Variants in NCKAP1 observed in about 807,000 individuals in gnomAD.
NCKAP1 encodes nck-associated protein 1.
Under a neutral mutation model 151.2 loss-of-function variants are expected in NCKAP1, and 21 were observed. That is an observed-to-expected ratio of 0.14 (90% confidence interval 0.10 to 0.20). The LOEUF is 0.20. NCKAP1 is among the 10% of genes least tolerant of loss of function. The pLI is 1.00. For missense variants in NCKAP1, 933 were observed against 1,352.1 expected (o/e 0.69, Z 4.86); for synonymous variants, 484 against 451.8 (o/e 1.07, Z -0.90).
Position 182,925,813 on chromosome 2 carries a change from T to A in NCKAP1, c.3276A>T (p.Val1092=). 1 of 1,524,978 alleles carries A rather than the reference T, an allele frequency of 6.6e-7. No individual in the cohort carries two copies. The highest frequency in any genetic ancestry group is 8.8e-7 in the Non-Finnish European group (1 of 1,134,362). The allele number at this position is 1,524,978 out of a possible 1,614,324, so 94.5% of individuals were successfully genotyped here. A position where few individuals can be genotyped will look rare whatever the true frequency, so the allele number is the denominator to read the frequency against. ...CCATTGTAAGGAATGGAGATTCTTGTACAATCTGTAAAATTCAAAAAATCC... is the reference window on the plus strand; with the variant it reads ...CCATTGTAAGGAATGGAGATTCTTGAACAATCTGTAAAATTCAAAAAATCC... ...ESVYLLLDMI[V]QESPFLTMDL... Residue 1092 remains valine (V), a synonymous_variant, in exon 31 of 31, where the codon GTA becomes GTT. Transcript: ENST00000361354.
chr2:182,930,921 A>C (rs1696750559), intron 26 of NCKAP1, 133 bp from the exon 27 acceptor site: 1 of 679,198 alleles, frequency 1.5e-6, no homozygotes, highest in Non-Finnish European at 2.6e-6. Context: ...AACTACAGCA[A>C]AACTAAGTAT....
At chr2:182,981,672 G>C (rs1190856064) in intron 12 of NCKAP1, among the ~76,000 whole-genome samples, 1 of 151,976 alleles carries the variant, frequency 6.6e-6, no homozygotes, top group East Asian at 1.9e-4. Context: ...ACTTTGGGAG[G>C]CCAAAGCGGG....
chr2:182,972,534 A>C (rs1697721647), intron 15 of NCKAP1, among the ~76,000 whole-genome samples: 1 of 152,204 alleles, frequency 6.6e-6, no homozygotes, highest in Admixed American at 6.5e-5. Flanking sequence ...CAAAAATTTG[A>C]AAATAGATCC....
rs2105785898 is a variant in NCKAP1 at position 182,913,441 on chromosome 2, A to T, written c.*12261T>A. 1 of 152,418 alleles carries T rather than the reference A, an allele frequency of 6.6e-6. No individual in the cohort carries two copies. The highest frequency in any genetic ancestry group is 3.4e-3 in the Middle Eastern group (1 of 294). 9.4% of individuals were successfully genotyped at this position (152,418 alleles called of 1,614,324 possible). A position where few individuals can be genotyped will look rare whatever the true frequency, so the allele number is the denominator to read the frequency against. On this transcript the variant is annotated 3_prime_UTR_variant, in exon 31 of 31. Coordinates refer to ENST00000361354, the MANE Select transcript of NCKAP1 (RefSeq NM_013436.5). ...ATCAAGGGAGTGGGTTAGTTACCACAAAAGTGAGTCTGTTATAAAAGTCAG... is the reference window on the plus strand; with the variant it reads ...ATCAAGGGAGTGGGTTAGTTACCACTAAAGTGAGTCTGTTATAAAAGTCAG...
At chr2:182,972,279 A>C (rs992306443) in intron 15 of NCKAP1, among the ~76,000 whole-genome samples, 1 of 152,040 alleles carries the variant, frequency 6.6e-6, no homozygotes, top group African/African-American at 2.4e-5. Flanking sequence ...AAAAGAGCTA[A>C]ACAGACATTT....
intron 9 of NCKAP1, among the ~76,000 whole-genome samples, chr2:182,987,738 CATA>C (rs965014012): frequency 2.2e-4 from 34 of 152,132 alleles, no homozygotes; most frequent in Admixed American, 2.6e-4. Context: ...CCATCTTGCA[CATA>C]ATATTTCAGG....
intron 1 of NCKAP1, among the ~76,000 whole-genome samples, chr2:183,030,348 C>A (rs748146089): frequency 6.6e-5 from 10 of 152,084 alleles, no homozygotes; most frequent in Non-Finnish European, 1.2e-4. Context: ...TTTTTAATTT[C>A]TATTCTAACT....
In NCKAP1 at chr2:183,038,107, C is replaced by A; in HGVS notation, c.-8G>T. On this transcript the variant is annotated 5_prime_UTR_variant, in exon 1 of 31. Transcript: ENST00000361354. ...CAGCACTGAGCGCGACATGGTGGTG[C>A]TGGTGCCGCCGCCGCCGCCGGCCGC... 1.3e-6 allele frequency: 2 copies of A among 1,547,302 alleles called. No individual in the cohort carries two copies. The highest frequency in any genetic ancestry group is 1.7e-6 in the Non-Finnish European group (2 of 1,157,136).
intron 2 of NCKAP1, among the ~76,000 whole-genome samples, chr2:183,016,885 T>C (rs72888464): frequency 0.025 from 3,801 of 152,138 alleles, 76 homozygotes; most frequent in Non-Finnish European, 0.04. Flanking sequence ...CGGCAGGAAA[T>C]GTAGACCTGA....
intron 2 of NCKAP1, among the ~76,000 whole-genome samples, chr2:183,023,350 T>C (rs951817771): frequency 5.9e-5 from 9 of 152,102 alleles, no homozygotes; most frequent in Non-Finnish European, 1.0e-4. Context: ...TACTATTTAA[T>C]CTTTAGAAAT....
chr2:182,991,618 A>T (rs1051379243), intron 8 of NCKAP1, among the ~76,000 whole-genome samples: 14 of 152,094 alleles, frequency 9.2e-5, no homozygotes, highest in African/African-American at 3.1e-4. Flanking sequence ...TTATTAATTA[A>T]ACTACACATC....
At chr2:183,026,595 T>G (rs1047944406) in intron 1 of NCKAP1, among the ~76,000 whole-genome samples, 7 of 152,124 alleles carry the variant, frequency 4.6e-5, no homozygotes, top group Admixed American at 1.3e-4. Context: ...TCTAACATAC[T>G]TAATTGGGAG....
chr2:182,938,191 T>C (rs978219655), intron 24 of NCKAP1, among the ~76,000 whole-genome samples: 5 of 152,120 alleles, frequency 3.3e-5, no homozygotes, highest in Admixed American at 2.6e-4. Flanking sequence ...GTATTAAACA[T>C]CTGGAGATCA....
intron 23 of NCKAP1, among the ~76,000 whole-genome samples, chr2:182,946,554 T>C (rs867034622): frequency 2.0e-5 from 3 of 151,406 alleles, no homozygotes; most frequent in Non-Finnish European, 4.4e-5. Flanking sequence ...CATTCGCCCA[T>C]ATAACAAACC....
intron 15 of NCKAP1, among the ~76,000 whole-genome samples, chr2:182,968,210 G>A (rs994477592): frequency 6.6e-6 from 1 of 152,150 alleles, no homozygotes; most frequent in African/African-American, 2.4e-5. Flanking sequence ...GTATAGTGAG[G>A]AAAATAGGGA....
intron 16 of NCKAP1, among the ~76,000 whole-genome samples, chr2:182,965,811 G>A (rs1697559005): frequency 6.6e-6 from 1 of 152,102 alleles, no homozygotes; most frequent in Non-Finnish European, 1.5e-5. Flanking sequence ...AACATATAAT[G>A]TTTCATGTTC....
At chr2:183,026,415 C>G (rs1698898161) in intron 1 of NCKAP1, among the ~76,000 whole-genome samples, 1 of 149,754 alleles carries the variant, frequency 6.7e-6, no homozygotes, top group Non-Finnish European at 1.5e-5. Context: ...TTCAAGGCTA[C>G]AGAGCTGTAA....
Position 182,952,422 on chromosome 2 carries a change from G to C in NCKAP1, c.2584C>G (p.Gln862Glu). Reference protein sequence around the residue: ...SESLMWHISSQVAELKKLVVE... With the variant: ...SESLMWHISSEVAELKKLVVE... ...TATATTACCTTAAGTTCAGCAACTT[G>C]TGATGAAATATGCCACATAAGGCTT... Residue 862 changes from glutamine (Q) to glutamate (E), a missense_variant, in exon 23 of 31, where the codon CAA (glutamine) becomes GAA (glutamate). Physicochemically the swap from Gln to Glu is conservative, Grantham distance 29 (BLOSUM62 2). Coordinates refer to ENST00000361354, the MANE Select transcript of NCKAP1 (RefSeq NM_013436.5). 6.2e-7 allele frequency: 1 copy of C among 1,606,290 alleles called. No homozygotes were observed.
intron 17 of NCKAP1, 58 bp from the exon 18 acceptor site, chr2:182,962,336 A>G: frequency 6.9e-7 from 1 of 1,440,180 alleles, no homozygotes; most frequent in East Asian, 2.5e-5. Flanking sequence ...GTTGAATTAA[A>G]AAGACTTCTA....
Sources: gnomAD v4.1 joint callset for allele counts (sites outside exome capture counted in the v4.1 genomes callset) on GRCh38, gnomAD v4.1.1 for gene constraint, MANE v1.5 for transcripts, NCBI Gene and HGNC (gene_info 2026-07-23, HGNC 2026-07-21) for gene names.